The following ZNF675 variants were observed in gnomAD, a reference collection of about 807,000 sequenced individuals.
The protein encoded by ZNF675 is zinc finger protein 675, also known as TRAF6 inhibitory zinc finger.
ZNF675 carries 36 observed loss-of-function variants against 56.1 expected under a neutral mutation model. The observed-to-expected ratio is 0.64, with a 90% CI of 0.49 to 0.85. ZNF675 has a LOEUF of 0.85. Among genes scored for constraint, ZNF675 ranks in the 40% least tolerant of loss-of-function variants. The pLI, the probability that ZNF675 is intolerant of heterozygous loss-of-function variation, is 0.00. For synonymous variants in ZNF675, 200 were observed against 218.9 expected (o/e 0.91, Z 0.76); for missense variants, 663 against 654.2 (o/e 1.01, Z -0.15).
At chr19:23,663,671 C>G (rs934544538) in intron 1 of ZNF675, among the ~76,000 whole-genome samples, 1 of 152,130 alleles carries the variant, frequency 6.6e-6, no homozygotes, top group African/African-American at 2.4e-5. Flanking sequence ...GAGCTGAGAT[C>G]GTACCATTGC....
At chr19:23,657,654 T>A (rs1968005600) in intron 3 of ZNF675, among the ~76,000 whole-genome samples, 1 of 152,054 alleles carries the variant, frequency 6.6e-6, no homozygotes, top group Admixed American at 6.6e-5. Context: ...GAGGCAGAGG[T>A]TGCAGTGGGC....
intron 1 of ZNF675, among the ~76,000 whole-genome samples, chr19:23,668,902 G>A (rs1021253959): frequency 3.3e-5 from 5 of 152,276 alleles, no homozygotes; most frequent in South Asian, 2.1e-4. Flanking sequence ...TCCCGCTCGC[G>A]CCTCTCCCTC....
intron 1 of ZNF675, among the ~76,000 whole-genome samples, chr19:23,663,739 C>G (rs1035157526): frequency 6.6e-6 from 1 of 152,132 alleles, no homozygotes; most frequent in Non-Finnish European, 1.5e-5. Context: ...TAATTAAGGG[C>G]ATAAACACAA....
intron 1 of ZNF675, among the ~76,000 whole-genome samples, chr19:23,684,015 A>G (rs1968410583): frequency 6.6e-6 from 1 of 151,758 alleles, no homozygotes; most frequent in African/African-American, 2.4e-5. Flanking sequence ...TAATCCCAGC[A>G]CTTTGGGAGG....
intron 1 of ZNF675, among the ~76,000 whole-genome samples, chr19:23,686,823 G>C (rs1968448690): frequency 6.6e-6 from 1 of 152,192 alleles, no homozygotes; most frequent in Non-Finnish European, 1.5e-5. Flanking sequence ...ACAGTCACTA[G>C]GCAGAGAAGA....
rs1207528859 is a variant in ZNF675, at chr19:23,653,211, T to C, written c.*15A>G. ...TTTATATTTAGAAAAATTTGAGGTG[T>C]TGTCAAAATCATTATCACACATTCC... On this transcript the variant is annotated 3_prime_UTR_variant, in exon 4 of 4. Transcript: ENST00000359788. 14 of 1,545,696 alleles carry C rather than the reference T, an allele frequency of 9.1e-6. No homozygotes were observed. Among genetic ancestry groups the C allele is most frequent in the East Asian group, 4.5e-5 (2 of 44,248 alleles).
Position 23,687,060 on chromosome 19 carries a change from T to A in ZNF675, c.-27A>T, listed in dbSNP as rs1968453441. 1.2e-6 allele frequency: 2 copies of A among 1,612,666 alleles called. No individual in the cohort carries two copies. Among genetic ancestry groups the A allele is most frequent in the Admixed American group, 3.3e-5 (2 of 59,888 alleles). ...TCTAGGCTTCCAGGGGGTCCTGGAG[T>A]CTTAGCTGTGGATCTCTCAATTTCT... On this transcript the variant is annotated 5_prime_UTR_variant, in exon 1 of 4. Transcript: ENST00000359788.
chr19:23,681,437 TGGA>T (rs1968375347), intron 1 of ZNF675, among the ~76,000 whole-genome samples: 1 of 151,612 alleles, frequency 6.6e-6, no homozygotes, highest in African/African-American at 2.4e-5. Context: ...CCCTCACCCT[TGGA>T]GGAGACCTGA....
At chr19:23,672,884 T>A (rs887456316) in intron 1 of ZNF675, among the ~76,000 whole-genome samples, 3 of 152,218 alleles carry the variant, frequency 2.0e-5, no homozygotes, top group Non-Finnish European at 4.4e-5. Flanking sequence ...GAGGCTGTTC[T>A]CTCTTTGGGC....
In ZNF675 at chr19:23,653,180, A is replaced by G; in HGVS notation, c.*46T>C. 6.7e-7 allele frequency: 1 copy of G among 1,502,934 alleles called. No individual in the cohort carries two copies. Among genetic ancestry groups the G allele is most frequent in the Non-Finnish European group, 8.9e-7 (1 of 1,122,294 alleles). 93.1% of individuals were successfully genotyped at this position (1,502,934 alleles called of 1,614,324 possible). The stretch of plus-strand genomic sequence containing the variant: ...ATTTCTAGAATTTTTCACCAGTATG[A>G]TTTCCTTTATATTTAGAAAAATTTG... On this transcript the variant is annotated 3_prime_UTR_variant, in exon 4 of 4. Coordinates refer to ENST00000359788, the MANE Select transcript of ZNF675 (RefSeq NM_138330.3).
chr19:23,665,636 C>G (rs1018343899), intron 1 of ZNF675, among the ~76,000 whole-genome samples: 17 of 151,952 alleles, frequency 1.1e-4, no homozygotes, highest in African/African-American at 4.1e-4. Flanking sequence ...TGGGATAACA[C>G]AGGCGCCTGC....
Position 23,654,003 on chromosome 19 carries a change from T to C in ZNF675, c.930A>G (p.Gln310=). The change falls in exon 4 of 4, where the codon CAA becomes CAG. Residue 310 remains glutamine (Q), a synonymous_variant. Coordinates refer to ENST00000359788, the MANE Select transcript of ZNF675 (RefSeq NM_138330.3). ...TGCCACATTCTTCACATATGTAGGGTTGCTCTCCAGTATGAATTTTTTTAT... is the reference window on the plus strand; with the variant it reads ...TGCCACATTCTTCACATATGTAGGGCTGCTCTCCAGTATGAATTTTTTTAT... ...TTHKKIHTGE[Q]PYICEECGKA... The C allele has an allele frequency of 6.2e-7, 1 of 1,613,930 alleles. No individual in the cohort carries two copies. Among genetic ancestry groups the C allele is most frequent in the Non-Finnish European group, 8.5e-7 (1 of 1,179,982 alleles).
In ZNF675 at chr19:23,687,119, G is replaced by C; in HGVS notation, c.-86C>G. The C allele has an allele frequency of 6.5e-7, 1 of 1,530,992 alleles. No homozygotes were observed. Among genetic ancestry groups the C allele is most frequent in the Admixed American group, 1.7e-5 (1 of 58,888 alleles). The allele number at this position is 1,530,992 out of a possible 1,614,324, so 94.8% of individuals were successfully genotyped here. A position where few individuals can be genotyped will look rare whatever the true frequency, so the allele number is the denominator to read the frequency against. ...CAGGCCCACAGAGGCTGGACCTCTA[G>C]GAGCAGAGGACACAGAGCAATGAAA... On this transcript the variant is annotated 5_prime_UTR_variant, in exon 1 of 4. Coordinates refer to ENST00000359788, the MANE Select transcript of ZNF675 (RefSeq NM_138330.3).
intron 1 of ZNF675, among the ~76,000 whole-genome samples, chr19:23,676,637 T>C (rs1292557574): frequency 6.6e-6 from 1 of 151,806 alleles, no homozygotes; most frequent in Non-Finnish European, 1.5e-5. Flanking sequence ...CAGAAAAAGC[T>C]TTCAGTAAAA....
intron 1 of ZNF675, among the ~76,000 whole-genome samples, chr19:23,679,923 G>A (rs1968353517): frequency 6.6e-6 from 1 of 151,428 alleles, no homozygotes; most frequent in Admixed American, 6.6e-5. Flanking sequence ...CAGGGAGGCA[G>A]AGGTTGTGGT....
At chr19:23,656,361 C>T (rs2144919216) in intron 3 of ZNF675, 1 of 152,184 alleles carries the variant, frequency 6.6e-6, no homozygotes, top group East Asian at 1.9e-4. Context: ...CTTTGGGAGG[C>T]TGAGGTGGGC....
chr19:23,666,159 A>T (rs1341510863), intron 1 of ZNF675, among the ~76,000 whole-genome samples: 1 of 152,202 alleles, frequency 6.6e-6, no homozygotes, highest in Non-Finnish European at 1.5e-5. Flanking sequence ...AAGTAACAAA[A>T]AGACCAGAGG....
intron 3 of ZNF675, among the ~76,000 whole-genome samples, chr19:23,658,932 G>A (rs1210169857): frequency 1.8e-4 from 3 of 16,464 alleles, no homozygotes; most frequent in East Asian, 2.2e-3. Context: ...TATAGATACC[G>A]ATCTATAGAT....
rs147081148 is a variant in ZNF675 at position 23,662,745 on chromosome 19, C to T, written c.130+287G>A. Among the ~76,000 whole-genome samples the T allele has an allele frequency of 3.9e-3, 586 of 152,024 alleles. 4 individuals carry two copies. Among genetic ancestry groups the T allele is most frequent in the African/African-American group, 0.013 (548 of 41,450 alleles). ...CAGTAATCCCAGCACTTTGGGAGGCCGAGGCGAATGGCTCATCTGAGGTCA... is the reference window on the plus strand; with the variant it reads ...CAGTAATCCCAGCACTTTGGGAGGCTGAGGCGAATGGCTCATCTGAGGTCA... On this transcript the variant is annotated intron_variant, in intron 2 of 3. Transcript: ENST00000359788.
Sources: gnomAD v4.1 joint callset for allele counts (sites outside exome capture counted in the v4.1 genomes callset) on GRCh38, gnomAD v4.1.1 for gene constraint, MANE v1.5 for transcripts, NCBI Gene and HGNC (gene_info 2026-07-23, HGNC 2026-07-21) for gene names.